Variants in TRMT2A observed in about 807,000 individuals in gnomAD.
TRMT2A encodes the protein tRNA methyltransferase 2A.
In TRMT2A, 60 loss-of-function variants were observed where a neutral mutation model predicts 59.3. That is an observed-to-expected ratio of 1.01 (90% CI 0.82 to 1.26). TRMT2A has a LOEUF of 1.26. Ranked by LOEUF, TRMT2A falls within the 50% of genes most tolerant of loss-of-function variation. The pLI is 0.00. For synonymous variants in TRMT2A, 403 were observed against 353.7 expected (o/e 1.14, Z -1.56); for missense variants, 863 against 845.2 (o/e 1.02, Z -0.26).
At chr22:20,113,554 A>G (rs753912354) in intron 8 of TRMT2A, 47 bp from the exon 9 acceptor site, 7 of 1,611,452 alleles carry the variant, frequency 4.3e-6, no homozygotes, top group African/African-American at 1.3e-5. Context: ...AGGGGAGTAC[A>G]TGGGGCCCTG....
rs1170068116 is a variant in TRMT2A, at chr22:20,115,800, GTGGT to G, written c.600-24_600-21del. On this transcript the variant is annotated intron_variant, in intron 2 of 11. Coordinates refer to ENST00000252136, the MANE Select transcript of TRMT2A (RefSeq NM_022727.6). ...ATTTCCCTGTAAGAGGAGCAGATCG[GTGGT>G]TGGACTCCACCTACTGCCCCCGACC... 4 of 1,595,166 alleles carry G rather than the reference GTGGT, an allele frequency of 2.5e-6. No individual in the cohort carries two copies. The highest frequency in any genetic ancestry group is 3.4e-6 in the Non-Finnish European group (4 of 1,166,520).
intron 7 of TRMT2A, 46 bp downstream of exon 7, chr22:20,114,528 G>T: frequency 6.7e-7 from 1 of 1,495,376 alleles, no homozygotes; most frequent in Non-Finnish European, 9.3e-7. Flanking sequence ...TGGTGCGTCA[G>T]GCCTCCCTCA....
chr22:20,115,976 G>A (rs1422754364), intron 2 of TRMT2A, 62 bp downstream of exon 2: 64 of 1,508,900 alleles, frequency 4.2e-5, no homozygotes, highest in Non-Finnish European at 5.4e-5. Flanking sequence ...GCATGGACAG[G>A]CTGAGGAAGC....
rs756526900 is a variant in TRMT2A at position 20,115,678 on chromosome 22, G to A, written c.702C>T (p.Pro234=). ...CCPLEGVRPS[P]QQTEYRNKCE... ...CACCGAAGTCTAGTCTGACCTGCTGGGGTGATGGCCTGACCCCCTCCAGCG... is the reference window on the plus strand; with the variant it reads ...CACCGAAGTCTAGTCTGACCTGCTGAGGTGATGGCCTGACCCCCTCCAGCG... Residue 234 remains proline (P), a synonymous_variant, in exon 3 of 12, where the codon CCC becomes CCT. Transcript: ENST00000252136. 17 of 1,612,926 alleles carry A rather than the reference G, an allele frequency of 1.1e-5. No homozygotes were observed. Among genetic ancestry groups the A allele is most frequent in the Non-Finnish European group, 1.4e-5 (17 of 1,179,996 alleles).
intron 3 of TRMT2A, 41 bp from the exon 4 acceptor site, chr22:20,115,488 C>T (rs753732938): frequency 1.4e-5 from 22 of 1,585,366 alleles, no homozygotes; most frequent in East Asian, 1.3e-4. Flanking sequence ...GGCTGCCCAG[C>T]GCTTGGGCCT....
chr22:20,116,242 G>T lies in TRMT2A; in HGVS notation c.395C>A (p.Ala132Asp). The stretch of plus-strand genomic sequence containing the variant: ...ACTGAGTGGGCGGCCTTTCCAGAGG[G>T]CACCATGCAAAACGCGCAGGGCCTT... ...RDKALRVLHG[A>D]LWKGRPLSVR... is the part of the protein sequence containing the mutation. The change falls in exon 2 of 12, where the codon GCC becomes GAC. Residue 132 changes from alanine (A) to aspartate (D), a missense_variant. Ala to Asp is a moderately radical substitution (Grantham distance 126). Transcript: ENST00000252136. The T allele has an allele frequency of 6.2e-7, 1 of 1,612,942 alleles. No homozygotes were observed. The highest frequency in any genetic ancestry group is 1.1e-5 in the South Asian group (1 of 91,090).
intron 3 of TRMT2A, 29 bp downstream of exon 3, chr22:20,115,643 G>A (rs1419424648): frequency 6.2e-7 from 1 of 1,609,454 alleles, no homozygotes; most frequent in Non-Finnish European, 8.5e-7. Flanking sequence ...CCAGGATAGG[G>A]GTTTGTGGCC....
Position 20,116,280 on chromosome 22 carries a change from A to C in TRMT2A, c.357T>G (p.Ala119=), listed in dbSNP as rs201632920. 66 of 1,612,948 alleles carry C rather than the reference A, an allele frequency of 4.1e-5. 1 individual carries two copies. Among genetic ancestry groups the C allele is most frequent in the Admixed American group, 4.0e-4 (24 of 60,028 alleles). ...CGCGCAGGGCCTTGTCCCTCTCTGCAGCGCTGCGGAATGTCACAAAGGCGC... is the reference window on the plus strand; with the variant it reads ...CGCGCAGGGCCTTGTCCCTCTCTGCCGCGCTGCGGAATGTCACAAAGGCGC... ...PPCAFVTFRS[A]AERDKALRVL... Residue 119 remains alanine, a synonymous_variant, in exon 2 of 12, where the codon GCT becomes GCG. Coordinates refer to ENST00000252136, the MANE Select transcript of TRMT2A (RefSeq NM_022727.6).
chr22:20,115,578 A>T (rs1165292901), intron 3 of TRMT2A, 94 bp downstream of exon 3: 1 of 1,568,208 alleles, frequency 6.4e-7, no homozygotes, highest in African/African-American at 1.4e-5. Context: ...CCAGAAGAAA[A>T]CACAAAGCAG....
At position 20,112,195 on chromosome 22, in the gene TRMT2A, C is replaced by G. The variant is rs749041240; in HGVS notation, c.*368G>C. On this transcript the variant is annotated 3_prime_UTR_variant, in exon 12 of 12. Transcript: ENST00000252136. ...TTAAAGTAAGCTCTGCCCTGACTCC[C>G]CCAGCCATGCAGAGAGGCTTGCAGA... The G allele has an allele frequency of 1.1e-4, 31 of 282,430 alleles. No homozygotes were observed. Among genetic ancestry groups the G allele is most frequent in the Non-Finnish European group, 1.7e-4 (26 of 151,506 alleles). 17.5% of individuals were successfully genotyped at this position (282,430 alleles called of 1,614,324 possible). A position where few individuals can be genotyped will look rare whatever the true frequency, so the allele number is the denominator to read the frequency against.
At chr22:20,114,536 T>G in intron 7 of TRMT2A, 38 bp downstream of exon 7, 1 of 1,559,430 alleles carries the variant, frequency 6.4e-7, no homozygotes, top group Non-Finnish European at 8.8e-7. Flanking sequence ...CAGGCCTCCC[T>G]CAACATGTCC....
rs142707056 is a variant in TRMT2A at position 20,115,046 on chromosome 22, C to T, written c.924G>A (p.Thr308=). The change falls in exon 5 of 12, where the codon ACG becomes ACA. Residue 308 remains threonine (T), a synonymous_variant. Coordinates refer to ENST00000252136, the MANE Select transcript of TRMT2A (RefSeq NM_022727.6). ...STPYSAYDPE[T]YTGHWKQLTV... Reference sequence around the variant, plus strand: ...TCAGCTGCTTCCAGTGGCCTGTGTACGTCTCTGGGTCGTATGCCGAGTATG... The same window carrying T: ...TCAGCTGCTTCCAGTGGCCTGTGTATGTCTCTGGGTCGTATGCCGAGTATG... 8.8e-6 allele frequency: 14 copies of T among 1,596,150 alleles called. No homozygotes were observed. The highest frequency in any genetic ancestry group is 6.8e-5 in the East Asian group (3 of 44,290).
chr22:20,112,499 T>A lies in TRMT2A; in HGVS notation c.*64A>T. On this transcript the variant is annotated 3_prime_UTR_variant, in exon 12 of 12. Transcript: ENST00000252136. ...TCTGAATATCCTGGCCAGCAAGCCA[T>A]GCCTTCCCCGCCCCTGGGGCCCTGG... 6.5e-7 allele frequency: 1 copy of A among 1,548,410 alleles called. No individual in the cohort carries two copies. Among genetic ancestry groups the A allele is most frequent in the Non-Finnish European group, 8.7e-7 (1 of 1,145,442 alleles).
In TRMT2A at chr22:20,117,029, A is replaced by C; in HGVS notation, c.-123T>G. ...AAGTGCTCAGAGGGGAGGTGCTCAC[A>C]GAGCCGGTGCAACGCCGCGAGGTCG... On this transcript the variant is annotated 5_prime_UTR_variant, in exon 1 of 12. Transcript: ENST00000252136. 1 of 1,329,262 alleles carries C rather than the reference A, an allele frequency of 7.5e-7. No individual in the cohort carries two copies. Among genetic ancestry groups the C allele is most frequent in the Non-Finnish European group, 1.0e-6 (1 of 962,262 alleles). The allele number at this position is 1,329,262 out of a possible 1,614,324, so 82.3% of individuals were successfully genotyped here.
At chr22:20,115,217 G>A (rs2049972962) in intron 4 of TRMT2A, 49 bp downstream of exon 4, 1 of 1,591,060 alleles carries the variant, frequency 6.3e-7, no homozygotes, top group African/African-American at 1.3e-5. Context: ...ACCACCCTCT[G>A]CTCCCACACC....
chr22:20,116,693 A>T, intron 1 of TRMT2A, 81 bp from the exon 2 acceptor site: 3 of 1,478,360 alleles, frequency 2.0e-6, no homozygotes, highest in Non-Finnish European at 2.7e-6. Flanking sequence ...TGGGACACCC[A>T]GACCTCCGTC....
Position 20,112,680 on chromosome 22 carries a change from C to T in TRMT2A, c.1761G>A (p.Glu587=). ...CTGTGCCATTGGGGTGCTCCACCCTCTCAAACAGGATGAGCATCTCACAGT... is the reference window on the plus strand; with the variant it reads ...CTGTGCCATTGGGGTGCTCCACCCTTTCAAACAGGATGAGCATCTCACAGT... The part of the protein sequence containing the change: ...TPHCEMLILF[E]RVEHPNGTGV... The change falls in exon 12 of 12, where the codon GAG becomes GAA. Residue 587 remains glutamate, a synonymous_variant. Coordinates refer to ENST00000252136, the MANE Select transcript of TRMT2A (RefSeq NM_022727.6). The T allele has an allele frequency of 1.2e-6, 2 of 1,614,076 alleles. No homozygotes were observed. Among genetic ancestry groups the T allele is most frequent in the East Asian group, 2.2e-5 (1 of 44,888 alleles).
At chr22:20,113,056 C>T in intron 10 of TRMT2A, 49 bp from the exon 11 acceptor site, 1 of 1,612,422 alleles carries the variant, frequency 6.2e-7, no homozygotes, top group Non-Finnish European at 8.5e-7. Context: ...GAGTGCATAA[C>T]ATGGTGAGCC....
chr22:20,116,218 CTGAG>C lies in TRMT2A; in HGVS notation c.415_418del (p.Leu139ValfsTer26). ...GGCCTTGGGCCGGGCCAGGCGCACA[CTGAG>C]TGGGCGGCCTTTCCAGAGGGCACCA... On this transcript the variant is annotated frameshift_variant, in exon 2 of 12. Transcript: ENST00000252136. LOFTEE classifies it high-confidence loss of function. 6.2e-7 allele frequency: 1 copy of C among 1,613,048 alleles called. No individual in the cohort carries two copies. The highest frequency in any genetic ancestry group is 8.5e-7 in the Non-Finnish European group (1 of 1,180,022).
Sources: allele counts gnomAD v4.1 joint callset, GRCh38; gene constraint gnomAD v4.1.1; transcripts MANE v1.5; gene names NCBI Gene and HGNC (gene_info 2026-07-23, HGNC 2026-07-21).